Variants in POTEE observed in about 807,000 individuals in gnomAD.
POTEE encodes POTE ankyrin domain family member E, also known as ANKRD26-like family C member 1A.
In POTEE, 21 loss-of-function variants were observed where a neutral mutation model predicts 74.2. The observed-to-expected ratio is 0.28, with a 90% CI of 0.20 to 0.41. The LOEUF is 0.41. POTEE is among the 10% of genes least tolerant of loss of function. The pLI, the probability that POTEE is intolerant of heterozygous loss-of-function variation, is 1.00. For missense variants in POTEE, 525 were observed against 1,158.6 expected (o/e 0.45, Z 7.94); for synonymous variants, 211 against 432.8 (o/e 0.49, Z 6.36).
rs751796079 is a variant in POTEE at position 131,264,030 on chromosome 2, G to T, written c.2575G>T (p.Val859Phe). 38 of 1,614,088 alleles carry T rather than the reference G, an allele frequency of 2.4e-5. No individual in the cohort carries two copies. The highest frequency in any genetic ancestry group is 1.7e-5 in the Non-Finnish European group (20 of 1,180,044). The change falls in exon 18 of 18, where the codon GTC (valine) becomes TTC (phenylalanine). Residue 859 changes from valine (V) to phenylalanine (F), a missense_variant. Val to Phe is a conservative substitution (Grantham distance 50). Coordinates refer to ENST00000683005, the MANE Select transcript of POTEE (RefSeq NM_001083538.3). Reference sequence around the variant, plus strand: ...CATCGTGATGGACTCTGGTGACGGGGTCACCCACACTGTGCCCATCTATGA... The same window carrying T: ...CATCGTGATGGACTCTGGTGACGGGTTCACCCACACTGTGCCCATCTATGA... ...TGIVMDSGDG[V>F]THTVPIYEGN... is the part of the protein sequence containing the mutation.
intron 6 of POTEE, among the ~76,000 whole-genome samples, chr2:131,224,468 T>TA (rs1431071270): frequency 6.9e-6 from 1 of 144,968 alleles, no homozygotes; most frequent in African/African-American, 2.6e-5. Flanking sequence ...CAGTAATAGA[T>TA]ACGAGGTGAT....
At chr2:131,215,906 A>C (rs1176332041) in intron 2 of POTEE, among the ~76,000 whole-genome samples, 7 of 144,462 alleles carry the variant, frequency 4.8e-5, no homozygotes, top group African/African-American at 1.8e-4. Flanking sequence ...CAAAGAAAGG[A>C]AAGGCATCTA....
chr2:131,232,932 C>T (rs1701010063), intron 9 of POTEE, among the ~76,000 whole-genome samples: 1 of 151,920 alleles, frequency 6.6e-6, no homozygotes, highest in African/African-American at 2.4e-5. Context: ...ATTTCACTGG[C>T]TGGGTCACAC....
chr2:131,220,397 G>A (rs1440001503), intron 4 of POTEE, among the ~76,000 whole-genome samples: 3 of 151,582 alleles, frequency 2.0e-5, no homozygotes, highest in African/African-American at 7.3e-5. Context: ...GTAGAGATGG[G>A]GTTTCACCAT....
At chr2:131,243,783 G>GCATGAAC (rs1361036552) in intron 12 of POTEE, among the ~76,000 whole-genome samples, 2 of 137,674 alleles carry the variant, frequency 1.5e-5, no homozygotes, top group East Asian at 4.3e-4. Context: ...CAGGAGAATG[G>GCATGAAC]CATGAACCCG....
In POTEE at chr2:131,218,477, C is replaced by A; in HGVS notation, c.75C>A (p.Gly25=). The change falls in exon 4 of 18, where the codon GGC becomes GGA. Residue 25 remains glycine (G), a synonymous_variant. Coordinates refer to ENST00000683005, the MANE Select transcript of POTEE (RefSeq NM_001083538.3). ...KKPFGLRSKM[G]KWCCRCFPCY... is the part of the protein sequence containing the mutation. ...CATTTGGTCTCAGGAGCAAGATGGG[C>A]AAGTGGTGCTGCCGTTGCTTCCCCT... The A allele has an allele frequency of 6.2e-7, 1 of 1,613,128 alleles. No homozygotes were observed. The highest frequency in any genetic ancestry group is 8.5e-7 in the Non-Finnish European group (1 of 1,179,850).
chr2:131,226,796 A>G (rs781108178), intron 6 of POTEE, 27 bp from the exon 7 acceptor site: 2 of 1,611,184 alleles, frequency 1.2e-6, no homozygotes, highest in South Asian at 2.2e-5. Context: ...TGAATTACAT[A>G]GGTTTTTGCT....
At chr2:131,230,329 G>A (rs1359588418) in intron 8 of POTEE, among the ~76,000 whole-genome samples, 2 of 152,036 alleles carry the variant, frequency 1.3e-5, no homozygotes, top group East Asian at 3.8e-4. Context: ...ATATGCATTG[G>A]GTTTTATTTG....
rs1402571679 is a variant in POTEE at position 131,226,930 on chromosome 2, G to A, written c.917+1G>A. The A allele has an allele frequency of 6.2e-7, 1 of 1,611,362 alleles. No homozygotes were observed. The highest frequency in any genetic ancestry group is 2.2e-5 in the East Asian group (1 of 44,860). On this transcript the variant is annotated splice_donor_variant, in intron 7 of 17. Transcript: ENST00000683005. LOFTEE classifies it high-confidence loss of function. ...TAAATGCACTGGATAGATATGGAAG[G>A]TATAGTTCTTTCTTTTAATCTGTGT...
Position 131,263,805 on chromosome 2 carries a change from A to G in POTEE, c.2350A>G (p.Lys784Glu). The G allele has an allele frequency of 6.2e-7, 1 of 1,613,886 alleles. No homozygotes were observed. The highest frequency in any genetic ancestry group is 2.2e-5 in the East Asian group (1 of 44,862). ...GIITNWDDME[K>E]IWHHTFYNEL... ...CATCACCAACTGGGATGACATGGAG[A>G]AGATCTGGCACCACACCTTCTACAA... Residue 784 changes from lysine (K) to glutamate (E), a missense_variant, in exon 18 of 18, where the codon AAG becomes GAG. Coordinates refer to ENST00000683005, the MANE Select transcript of POTEE (RefSeq NM_001083538.3).
At chr2:131,229,476 GAT>G (rs1413121061) in intron 8 of POTEE, 1 of 152,304 alleles carries the variant, frequency 6.6e-6, no homozygotes, top group African/African-American at 2.4e-5. Context: ...AAGATTTTAA[GAT>G]ATTTTCAAAC....
At chr2:131,252,709 CAG>C in intron 15 of POTEE, 139 bp downstream of exon 15, 1 of 604,596 alleles carries the variant, frequency 1.7e-6, no homozygotes, top group Non-Finnish European at 2.7e-6. Context: ...ATAGTTAACT[CAG>C]AATTCTGTAC....
chr2:131,221,491 A>G (rs1347311838), intron 4 of POTEE, among the ~76,000 whole-genome samples: 3 of 152,088 alleles, frequency 2.0e-5, no homozygotes, highest in African/African-American at 7.2e-5. Flanking sequence ...TTCTGCAATG[A>G]ACATCTGAAG....
rs771569072 is a variant in POTEE, at chr2:131,263,365, G to C, written c.1910G>C (p.Ser637Thr). The change falls in exon 18 of 18, where the codon AGT (serine) becomes ACT (threonine). Residue 637 changes from serine (S) to threonine (T), a missense_variant. Transcript: ENST00000683005. ...VEKMNSELSLSCKKEKDVLHE... is the reference protein window; with the variant it reads ...VEKMNSELSLTCKKEKDVLHE... The stretch of plus-strand genomic sequence containing the variant: ...TCTTTGTTTACTTAGCTTTCTCTTA[G>C]TTGTAAGAAAGAAAAAGACGTCTTG... 19 of 1,611,158 alleles carry C rather than the reference G, an allele frequency of 1.2e-5. No homozygotes were observed. The East Asian group carries it at 4.2e-4, about 36-fold the overall frequency.
chr2:131,220,699 C>T (rs1457531755), intron 4 of POTEE, among the ~76,000 whole-genome samples: 5 of 152,114 alleles, frequency 3.3e-5, no homozygotes, highest in Non-Finnish European at 5.9e-5. Flanking sequence ...CAGTGGCTTA[C>T]GCCCGTTACC....
intron 17 of POTEE, among the ~76,000 whole-genome samples, chr2:131,262,947 T>G (rs554401116): frequency 0.013 from 2,041 of 151,700 alleles, 10 homozygotes; most frequent in African/African-American, 0.047. Context: ...GTTGATAGGT[T>G]AGATATCAGA....
At position 131,228,753 on chromosome 2, in the gene POTEE, G is replaced by C. The variant is rs2407451; in HGVS notation, c.1055+372G>C. On this transcript the variant is annotated intron_variant, in intron 8 of 17. Coordinates refer to ENST00000683005, the MANE Select transcript of POTEE (RefSeq NM_001083538.3). ...GGAAAGTCTTGTACTGTCTTCTGGG[G>C]ACTATGTCCTACATACTCCTTGAAT... Among the ~76,000 whole-genome samples the C allele has an allele frequency of 5.2e-4, 77 of 147,106 alleles. 1 individual carries two copies. In the East Asian group the frequency reaches 0.014, roughly 26 times the overall value.
intron 4 of POTEE, among the ~76,000 whole-genome samples, chr2:131,221,576 A>T (rs953728119): frequency 6.6e-6 from 1 of 152,140 alleles, no homozygotes. Context: ...AGATGCAAAT[A>T]ATTTGTCACA....
intron 3 of POTEE, 129 bp from the exon 4 acceptor site, chr2:131,218,181 G>A (rs529912420): frequency 1.4e-4 from 129 of 921,176 alleles, no homozygotes; most frequent in Middle Eastern, 7.0e-4. Flanking sequence ...GGTGGGCGTG[G>A]GGTCGCCCAG....
Sources: allele counts gnomAD v4.1 joint callset (sites outside exome capture counted in the v4.1 genomes callset), GRCh38; gene constraint gnomAD v4.1.1; transcripts MANE v1.5; gene names NCBI Gene and HGNC (gene_info 2026-07-23, HGNC 2026-07-21).